Variants in C5 observed in about 807,000 individuals in gnomAD.
C5 encodes the protein C3 and PZP-like alpha-2-macroglobulin domain-containing protein 4.
A neutral mutation model predicts 218.8 loss-of-function variants in C5; 140 were observed. That is an observed-to-expected ratio of 0.64 (90% confidence interval 0.56 to 0.74). The LOEUF (loss-of-function observed/expected upper bound fraction) is 0.74. Ranked by LOEUF, C5 falls within the 30% of genes least tolerant of loss-of-function variation. C5 has a pLI of 0.00. For synonymous variants in C5, 614 were observed against 682.3 expected (o/e 0.90, Z 1.56); for missense variants, 1,700 against 1,969.6 (o/e 0.86, Z 2.59).
At chr9:121,025,423 C>CACACAT in intron 9 of C5, 31 bp downstream of exon 9, 1 of 1,553,736 alleles carries the variant, frequency 6.4e-7, no homozygotes, top group Non-Finnish European at 8.7e-7. Context: ...AAAGTATACA[C>CACACAT]ACACACACAC....
the C5 span, among the ~76,000 whole-genome samples, chr9:121,055,563 A>G: frequency 1.3e-5 from 2 of 152,134 alleles, no homozygotes; most frequent in African/African-American, 2.4e-5. Flanking sequence ...ATAAAACATC[A>G]AACAGATTCC....
chr9:120,992,439 C>T (rs1342048221), intron 22 of C5, among the ~76,000 whole-genome samples: 2 of 152,172 alleles, frequency 1.3e-5, no homozygotes, highest in South Asian at 2.1e-4. Context: ...CAACATTTTC[C>T]TCAAAGGATT....
chr9:121,066,057 G>A, the C5 span, among the ~76,000 whole-genome samples: 3 of 152,044 alleles, frequency 2.0e-5, no homozygotes, highest in African/African-American at 7.2e-5. Flanking sequence ...TCTCACGCCT[G>A]TAATCCCAGC....
chr9:120,980,036 A>G (rs1307393713), intron 28 of C5, 47 bp downstream of exon 28: 1 of 1,562,494 alleles, frequency 6.4e-7, no homozygotes, highest in Non-Finnish European at 8.8e-7. Context: ...AGCAGACTTT[A>G]TGTCTTAGTG....
At chr9:120,999,162 A>T (rs771012300) in intron 20 of C5, among the ~76,000 whole-genome samples, 14 of 150,956 alleles carry the variant, frequency 9.3e-5, no homozygotes, top group Non-Finnish European at 1.5e-4. Context: ...AGAAAATATA[A>T]AAAAAAAAGT....
At chr9:120,960,919 G>C (rs1239299403) in intron 37 of C5, among the ~76,000 whole-genome samples, 1 of 152,168 alleles carries the variant, frequency 6.6e-6, no homozygotes, top group Non-Finnish European at 1.5e-5. Context: ...ATGATAATGT[G>C]ACTGATTTAT....
chr9:120,970,083 C>T, intron 32 of C5, 87 bp downstream of exon 32: 1 of 908,078 alleles, frequency 1.1e-6, no homozygotes, highest in Non-Finnish European at 1.8e-6. Context: ...TTTGAGTAAG[C>T]ACATTTTTAC....
rs138485243 is a variant in C5 at position 120,962,184 on chromosome 9, G to A, written c.4504+487C>T. On this transcript the variant is annotated intron_variant, in intron 36 of 40. Coordinates refer to ENST00000223642, the MANE Select transcript of C5 (RefSeq NM_001735.3). ...GTTCACATTCTATACCCGACGCTGC[G>A]TTAGATACTAGGGACACAAGAATGA... Among the ~76,000 whole-genome samples the A allele has an allele frequency of 5.0e-4, 76 of 152,266 alleles. No individual in the cohort carries two copies. The South Asian group carries it at 7.9e-3, about 16-fold the overall frequency.
At chr9:120,966,509 C>T (rs1188426397) in intron 33 of C5, among the ~76,000 whole-genome samples, 1 of 152,216 alleles carries the variant, frequency 6.6e-6, no homozygotes, top group East Asian at 1.9e-4. Flanking sequence ...TATCAGAGAG[C>T]TCTTCTTTAT....
chr9:121,037,788 A>G, intron 4 of C5, 93 bp downstream of exon 4: 1 of 604,132 alleles, frequency 1.7e-6, no homozygotes, highest in South Asian at 2.3e-5. Flanking sequence ...GGAACATTGA[A>G]TGATTTAGTG....
At chr9:120,969,894 A>G (rs1171790438) in intron 32 of C5, among the ~76,000 whole-genome samples, 9 of 152,194 alleles carry the variant, frequency 5.9e-5, no homozygotes, top group Non-Finnish European at 1.3e-4. Context: ...AACTAGTTAC[A>G]CTCTTTAAAA....
chr9:121,015,388 C>A, intron 15 of C5, 127 bp from the exon 16 acceptor site: 1 of 662,912 alleles, frequency 1.5e-6, no homozygotes, highest in Non-Finnish European at 2.7e-6. Flanking sequence ...TATTGAGGGG[C>A]TGCTTTGGAT....
At chr9:120,956,023 C>T (rs925787066) in intron 39 of C5, among the ~76,000 whole-genome samples, 3 of 151,992 alleles carry the variant, frequency 2.0e-5, no homozygotes, top group Non-Finnish European at 4.4e-5. Context: ...AGGCCAGGCA[C>T]GGTGGCTCAC....
chr9:120,952,694 A>G lies in C5; in HGVS notation c.*45T>C. The G allele has an allele frequency of 6.2e-7, 1 of 1,604,688 alleles. No individual in the cohort carries two copies. The highest frequency in any genetic ancestry group is 8.5e-7 in the Non-Finnish European group (1 of 1,174,514). Reference sequence around the variant, plus strand: ...AAACAAAAAAACGAACTTCAACAACAGGAGTCCATAAGTGCAAACTGTATG... The same window carrying G: ...AAACAAAAAAACGAACTTCAACAACGGGAGTCCATAAGTGCAAACTGTATG... On this transcript the variant is annotated 3_prime_UTR_variant, in exon 41 of 41. Coordinates refer to ENST00000223642, the MANE Select transcript of C5 (RefSeq NM_001735.3).
intron 21 of C5, 74 bp downstream of exon 21, chr9:120,997,473 T>C (rs2047126072): frequency 9.0e-7 from 1 of 1,105,878 alleles, no homozygotes; most frequent in African/African-American, 1.5e-5. Flanking sequence ...ACACTATTGT[T>C]TCTCTCCCCC....
At chr9:121,036,769 A>G (rs1223799713) in intron 4 of C5, among the ~76,000 whole-genome samples, 1 of 152,084 alleles carries the variant, frequency 6.6e-6, no homozygotes, top group Non-Finnish European at 1.5e-5. Flanking sequence ...CTCTGAGCTC[A>G]TGGTATTTGT....
rs572345213 is a variant in C5 at position 121,002,316 on chromosome 9, G to GTGTGTGTGTGTGTATATATATATA, written c.2562+3602_2562+3603insTATATATATATACACACACACACA. Among the ~76,000 whole-genome samples the GTGTGTGTGTGTGTATATATATATA allele has an allele frequency of 3.5e-3, 303 of 87,332 alleles. 8 individuals carry two copies. Among genetic ancestry groups the GTGTGTGTGTGTGTATATATATATA allele is most frequent in the Admixed American group, 8.7e-3 (65 of 7,468 alleles). 57.3% of individuals were successfully genotyped at this position (87,332 alleles called of 152,430 possible). ...TATATATGTATATATATATGTGTGT[G>GTGTGTGTGTGTGTATATATATATA]TATATATATATATATATATATATAT... On this transcript the variant is annotated intron_variant, in intron 20 of 40. Transcript: ENST00000223642.
intron 8 of C5, 176 bp from the exon 9 acceptor site, chr9:121,025,756 T>A (rs936338967): frequency 4.2e-5 from 24 of 575,190 alleles, no homozygotes; most frequent in Non-Finnish European, 7.0e-5. Context: ...TATTTTCTAA[T>A]TATTTGTATA....
Position 120,961,562 on chromosome 9 carries a change from T to C in C5, c.4508A>G (p.Lys1503Arg). The C allele has an allele frequency of 6.2e-7, 1 of 1,606,758 alleles. No homozygotes were observed. Among genetic ancestry groups the C allele is most frequent in the Non-Finnish European group, 8.5e-7 (1 of 1,173,334 alleles). The change falls in exon 37 of 41, where the codon AAA (lysine) becomes AGA (arginine). Residue 1503 changes from lysine to arginine, a missense_variant. Physicochemically the swap from Lys to Arg is conservative, Grantham distance 26. Coordinates refer to ENST00000223642, the MANE Select transcript of C5 (RefSeq NM_001735.3). ...FTVYEYHRPD[K>R]QCTMFYSTSN... is the part of the protein sequence containing the mutation. The stretch of plus-strand genomic sequence containing the variant: ...AGTGCTATAAAACATGGTACACTGT[T>C]TATCTGTGGCAACAAAAGTGTGGTT...
Sources: allele counts gnomAD v4.1 joint callset (sites outside exome capture counted in the v4.1 genomes callset), GRCh38; gene constraint gnomAD v4.1.1; transcripts MANE v1.5; gene names NCBI Gene and HGNC (gene_info 2026-07-23, HGNC 2026-07-21).